Variants in CMIP observed in about 807,000 individuals in gnomAD.
The protein encoded by CMIP is c-Maf inducing protein, also known as C-Maf-inducing protein.
CMIP carries 13 observed loss-of-function variants against 97.3 expected under a neutral mutation model. That is an observed-to-expected ratio of 0.13 (90% CI 0.09 to 0.21). CMIP has a LOEUF of 0.21. Among genes scored for constraint, CMIP ranks in the 10% least tolerant of loss-of-function variants. The probability of loss-of-function intolerance (pLI) is 1.00; values close to 1 mark genes in which losing one functional copy is unlikely to be tolerated. For missense variants in CMIP, 847 were observed against 1,024.9 expected (o/e 0.83, Z 2.37); for synonymous variants, 538 against 436.3 (o/e 1.23, Z -2.91).
At chr16:81,693,355 C>G in intron 12 of CMIP, 84 bp from the exon 13 acceptor site, 1 of 1,551,276 alleles carries the variant, frequency 6.4e-7, no homozygotes, top group Non-Finnish European at 8.8e-7. Context: ...GCCCGTTCTT[C>G]CTTGACACCA....
intron 17 of CMIP, 55 bp downstream of exon 17, chr16:81,702,724 C>G (rs372081856): frequency 1.9e-5 from 29 of 1,517,842 alleles, no homozygotes; most frequent in African/African-American, 1.5e-4. Flanking sequence ...TTGGTCCTCT[C>G]TGTTGGGGAA....
intron 1 of CMIP, among the ~76,000 whole-genome samples, chr16:81,505,252 A>C (rs1457282751): frequency 6.6e-6 from 1 of 152,156 alleles, no homozygotes; most frequent in Admixed American, 6.5e-5. Context: ...CACACCTATA[A>C]TTTATAGGGG....
intron 1 of CMIP, among the ~76,000 whole-genome samples, chr16:81,452,281 A>G (rs1402944585): frequency 6.6e-6 from 1 of 152,184 alleles, no homozygotes; most frequent in Non-Finnish European, 1.5e-5. Context: ...GACCTTGGGC[A>G]GGTCCCCTAG....
At chr16:81,543,073 C>G (rs914317163) in intron 1 of CMIP, among the ~76,000 whole-genome samples, 16 of 152,124 alleles carry the variant, frequency 1.1e-4, no homozygotes, top group African/African-American at 3.4e-4. Flanking sequence ...CGCTGGAGCC[C>G]ATGAGGTGGC....
intron 1 of CMIP, among the ~76,000 whole-genome samples, chr16:81,589,435 G>T (rs1428408069): frequency 6.6e-6 from 1 of 151,396 alleles, no homozygotes; most frequent in East Asian, 1.9e-4. Context: ...CATGACAATA[G>T]TAACTACCTA....
chr16:81,445,291 A>C lies in CMIP; in HGVS notation c.50A>C (p.Glu17Ala). ...GGCGGCGGCGACCCCCGGCAGATCGAGGAGACCAAGCCGCTGCTGGGGGGC... is the reference window on the plus strand; with the variant it reads ...GGCGGCGGCGACCCCCGGCAGATCGCGGAGACCAAGCCGCTGCTGGGGGGC... ...SGGGGDPRQI[E>A]ETKPLLGGDV... Residue 17 changes from glutamate (E) to alanine (A), a missense_variant, in exon 1 of 21, where the codon GAG becomes GCG. Glu to Ala is a moderately radical substitution (Grantham distance 107). This residue lies in a region of CMIP where 94 missense variants were observed against 79.9 expected (regional missense o/e 1.18). Transcript: ENST00000537098. 6.4e-7 allele frequency: 1 copy of C among 1,552,780 alleles called. No homozygotes were observed. The highest frequency in any genetic ancestry group is 8.7e-7 in the Non-Finnish European group (1 of 1,150,594).
chr16:81,678,537 A>G lies in CMIP; in HGVS notation c.1297A>G (p.Met433Val). The G allele has an allele frequency of 1.9e-6, 3 of 1,606,986 alleles. No individual in the cohort carries two copies. Among genetic ancestry groups the G allele is most frequent in the South Asian group, 2.2e-5 (2 of 90,212 alleles). Residue 433 changes from methionine to valine, a missense_variant, in exon 10 of 21, where the codon ATG (methionine) becomes GTG (valine). By Grantham distance (21) the Met-to-Val change is conservative. This residue lies in a region of CMIP where 202 missense variants were observed against 168.7 expected (regional missense o/e 1.20). Coordinates refer to ENST00000537098, the MANE Select transcript of CMIP (RefSeq NM_198390.3). ...CGAGCCCAACCTCATCGACTGCCTCATGGTCAGCCCCGCCTGCAGCACCAT... is the reference window on the plus strand; with the variant it reads ...CGAGCCCAACCTCATCGACTGCCTCGTGGTCAGCCCCGCCTGCAGCACCAT... The part of the protein sequence containing the change: ...DSEPNLIDCL[M>V]VSPACSTMSI...
At chr16:81,499,390 C>T (rs1208934092) in intron 1 of CMIP, among the ~76,000 whole-genome samples, 2 of 152,220 alleles carry the variant, frequency 1.3e-5, no homozygotes, top group African/African-American at 2.4e-5. Context: ...CCCCAATCTC[C>T]AGCTCCCTTT....
chr16:81,504,963 G>A (rs1238378666), intron 1 of CMIP, among the ~76,000 whole-genome samples: 1 of 152,262 alleles, frequency 6.6e-6, no homozygotes, highest in African/African-American at 2.4e-5. Flanking sequence ...TTTAGACCCT[G>A]CTCTTTTGAC....
At chr16:81,672,650 A>C (rs1343162982) in intron 9 of CMIP, among the ~76,000 whole-genome samples, 4 of 152,140 alleles carry the variant, frequency 2.6e-5, no homozygotes, top group Non-Finnish European at 5.9e-5. Context: ...GTCATAGCTC[A>C]CTGCAGCCTC....
At chr16:81,654,139 C>A (rs1314200236) in intron 4 of CMIP, among the ~76,000 whole-genome samples, 1 of 152,168 alleles carries the variant, frequency 6.6e-6, no homozygotes, top group Non-Finnish European at 1.5e-5. Context: ...GCAGACGTGC[C>A]CCATTGCCGG....
At chr16:81,640,738 ATGTGTGTGTGTGTGTGTG>A (rs751455480) in intron 3 of CMIP, among the ~76,000 whole-genome samples, 27 of 139,042 alleles carry the variant, frequency 1.9e-4, no homozygotes, top group African/African-American at 6.9e-4. Flanking sequence ...TCTCTGGAGC[ATGTGTGTGTGTGTGTGTG>A]TGTGTGTGTG....
At chr16:81,703,883 C>T in intron 17 of CMIP, 56 bp from the exon 18 acceptor site, 4 of 1,545,324 alleles carry the variant, frequency 2.6e-6, no homozygotes, top group Non-Finnish European at 3.5e-6. Context: ...TAGGAGGGCT[C>T]AGGGTCTCGG....
chr16:81,489,725 G>T (rs771212734), intron 1 of CMIP, among the ~76,000 whole-genome samples: 1 of 152,186 alleles, frequency 6.6e-6, no homozygotes, highest in South Asian at 2.1e-4. Flanking sequence ...CGTTCAGGGA[G>T]GGGGAGAGAG....
chr16:81,596,333 C>G (rs954880946), intron 1 of CMIP, among the ~76,000 whole-genome samples: 3 of 151,928 alleles, frequency 2.0e-5, no homozygotes, highest in Admixed American at 6.5e-5. Context: ...TGATGAAACC[C>G]CATCTCTACT....
chr16:81,672,868 G>C (rs574926268), intron 9 of CMIP, among the ~76,000 whole-genome samples: 29 of 152,240 alleles, frequency 1.9e-4, no homozygotes, highest in Non-Finnish European at 4.1e-4. Context: ...ATGAGCCATT[G>C]CATCTGTTTT....
At chr16:81,512,300 G>A (rs1041236279) in intron 1 of CMIP, among the ~76,000 whole-genome samples, 1 of 152,076 alleles carries the variant, frequency 6.6e-6, no homozygotes, top group South Asian at 2.1e-4. Context: ...TGCCTTGGTG[G>A]GGGTCTTTCT....
At chr16:81,593,782 C>A (rs1597125772) in intron 1 of CMIP, among the ~76,000 whole-genome samples, 1 of 152,154 alleles carries the variant, frequency 6.6e-6, no homozygotes, top group South Asian at 2.1e-4. Context: ...CTCCCTAGCA[C>A]CCTCTTGAGG....
At chr16:81,578,278 T>G (rs956031262) in intron 1 of CMIP, among the ~76,000 whole-genome samples, 3 of 152,218 alleles carry the variant, frequency 2.0e-5, no homozygotes, top group Non-Finnish European at 4.4e-5. Context: ...GCATCACCAC[T>G]ATCACCATCG....
Sources: gnomAD v4.1 joint callset for allele counts (sites outside exome capture counted in the v4.1 genomes callset) on GRCh38, gnomAD v4.1.1 for gene constraint, gnomAD v4.1.1 regional missense constraint, MANE v1.5 for transcripts, NCBI Gene and HGNC (gene_info 2026-07-23, HGNC 2026-07-21) for gene names.